B3GALT1: variants seen among roughly 807,000 people sequenced by gnomAD.
B3GALT1 encodes the protein beta-1,3-galactosyltransferase 1, also known as UDP-Gal:betaGlcNAc beta 1,3-galactosyltransferase, polypeptide 1.
A neutral mutation model predicts 23.2 loss-of-function variants in B3GALT1; 10 were observed. The observed-to-expected ratio is 0.43, with a 90% confidence interval of 0.27 to 0.73. The LOEUF is 0.73. Ranked by LOEUF, B3GALT1 falls within the 30% of genes least tolerant of loss-of-function variation. The pLI is 0.21. For synonymous variants in B3GALT1, 156 were observed against 141.5 expected, an observed-to-expected ratio of 1.10 and a Z score of -0.73; for missense variants, 299 against 405.4, an observed-to-expected ratio of 0.74 and a Z score of 2.25.
At chr2:167,421,579 G>A (rs1357365329) in intron 1 of B3GALT1, among the ~76,000 whole-genome samples, 2 of 152,156 alleles carry the variant, frequency 1.3e-5, no homozygotes, top group East Asian at 3.8e-4. Flanking sequence ...TGGAAGAAAG[G>A]GGTTAGTATT....
intron 3 of B3GALT1, among the ~76,000 whole-genome samples, chr2:167,724,035 G>A (rs1687271678): frequency 6.6e-6 from 1 of 152,168 alleles, no homozygotes; most frequent in Non-Finnish European, 1.5e-5. Flanking sequence ...GATTCAACCA[G>A]TTACCTAGAG....
At chr2:167,662,615 A>C (rs1317667871) in intron 3 of B3GALT1, among the ~76,000 whole-genome samples, 1 of 152,134 alleles carries the variant, frequency 6.6e-6, no homozygotes, top group African/African-American at 2.4e-5. Flanking sequence ...CCACTGTAAC[A>C]GACAAAAAGA....
At chr2:167,607,295 A>G (rs1455343124) in intron 2 of B3GALT1, among the ~76,000 whole-genome samples, 1 of 152,182 alleles carries the variant, frequency 6.6e-6, no homozygotes, top group Non-Finnish European at 1.5e-5. Flanking sequence ...TTGCTCAGTC[A>G]TAGTTCAGTA....
intron 2 of B3GALT1, among the ~76,000 whole-genome samples, chr2:167,572,056 C>CT (rs1370803074): frequency 4.0e-5 from 6 of 151,562 alleles, no homozygotes; most frequent in Admixed American, 6.6e-5. Flanking sequence ...AGTATGGCGT[C>CT]TAAGTCTTGG....
intron 1 of B3GALT1, among the ~76,000 whole-genome samples, chr2:167,407,398 T>G (rs1184132666): frequency 6.6e-6 from 1 of 151,898 alleles, no homozygotes; most frequent in Non-Finnish European, 1.5e-5. Flanking sequence ...TAAAAAGACT[T>G]TAAATAAACA....
chr2:167,372,684 C>T (rs1173827353), intron 1 of B3GALT1, among the ~76,000 whole-genome samples: 2 of 151,454 alleles, frequency 1.3e-5, no homozygotes, highest in Non-Finnish European at 2.9e-5. Context: ...ATTATTGATG[C>T]CAAAAGCAAA....
chr2:167,522,580 G>A (rs1291976020), intron 2 of B3GALT1, among the ~76,000 whole-genome samples: 1 of 152,086 alleles, frequency 6.6e-6, no homozygotes, highest in Non-Finnish European at 1.5e-5. Context: ...TTAGAAGAAA[G>A]ATGTCTTCCA....
chr2:167,362,288 G>A lies in B3GALT1; in HGVS notation c.-511+68954G>A, dbSNP rs142179464. On this transcript the variant is annotated intron_variant, in intron 1 of 4. Coordinates refer to ENST00000392690, the MANE Select transcript of B3GALT1 (RefSeq NM_020981.4). Reference sequence around the variant, plus strand: ...TAGGGTGATACATCAAAATATAAATGGAATGTAATTAGTCCCATGAAATAT... The same window carrying A: ...TAGGGTGATACATCAAAATATAAATAGAATGTAATTAGTCCCATGAAATAT... Among the ~76,000 whole-genome samples the A allele has an allele frequency of 1.1e-3, 173 of 152,146 alleles. 1 individual carries two copies. The East Asian group carries it at 0.018, about 16-fold the overall frequency.
chr2:167,764,337 C>T (rs1687941504), intron 3 of B3GALT1, among the ~76,000 whole-genome samples: 1 of 152,098 alleles, frequency 6.6e-6, no homozygotes, highest in Admixed American at 6.5e-5. Context: ...TGACATAGTC[C>T]ACACTTTTCA....
intron 1 of B3GALT1, among the ~76,000 whole-genome samples, chr2:167,485,460 A>G (rs754970023): frequency 3.3e-5 from 5 of 152,132 alleles, no homozygotes; most frequent in Admixed American, 6.6e-5. Flanking sequence ...TATTTATGGA[A>G]CGTGTCCTAG....
At chr2:167,414,107 T>TG (rs969618927) in intron 1 of B3GALT1, among the ~76,000 whole-genome samples, 52 of 152,184 alleles carry the variant, frequency 3.4e-4, no homozygotes, top group East Asian at 3.9e-4. Context: ...TTACATGACA[T>TG]GGGGGGCCTT....
intron 1 of B3GALT1, among the ~76,000 whole-genome samples, chr2:167,371,189 A>ATT (rs544507824): frequency 1.0e-4 from 15 of 147,380 alleles, no homozygotes; most frequent in African/African-American, 3.2e-4. Flanking sequence ...AGGGCAGGTG[A>ATT]TTTTTTTTTT....
chr2:167,397,698 A>C (rs1289679178), intron 1 of B3GALT1, among the ~76,000 whole-genome samples: 4 of 152,154 alleles, frequency 2.6e-5, no homozygotes, highest in South Asian at 2.1e-4. Flanking sequence ...AATCACCTAA[A>C]GAATGAAAAG....
intron 1 of B3GALT1, among the ~76,000 whole-genome samples, chr2:167,408,798 CA>C (rs1178640940): frequency 0.054 from 583 of 10,750 alleles, 5 homozygotes; most frequent in South Asian, 0.14. Context: ...AAGATGTATA[CA>C]AAAAAAAAAA....
At chr2:167,360,971 C>T (rs1490323020) in intron 1 of B3GALT1, among the ~76,000 whole-genome samples, 1 of 152,090 alleles carries the variant, frequency 6.6e-6, no homozygotes, top group Non-Finnish European at 1.5e-5. Context: ...TCTTTCTGTA[C>T]CTGGCTTATT....
chr2:167,508,621 C>CT (rs886892338), intron 2 of B3GALT1, among the ~76,000 whole-genome samples: 3 of 151,112 alleles, frequency 2.0e-5, no homozygotes, highest in Admixed American at 6.6e-5. Context: ...TAAAATTGAA[C>CT]TTTTTTTTTA....
At chr2:167,669,746 G>A (rs987376209) in intron 3 of B3GALT1, among the ~76,000 whole-genome samples, 3 of 152,006 alleles carry the variant, frequency 2.0e-5, no homozygotes, top group Non-Finnish European at 2.9e-5. Context: ...ATCTATAGAT[G>A]ATATATATAA....
chr2:167,562,222 T>G (rs1225643675), intron 2 of B3GALT1, among the ~76,000 whole-genome samples: 1 of 152,166 alleles, frequency 6.6e-6, no homozygotes, highest in South Asian at 2.1e-4. Flanking sequence ...ATTATCTCAA[T>G]AGATGCAGAA....
chr2:167,791,039 G>C (rs926253938), intron 3 of B3GALT1, among the ~76,000 whole-genome samples: 4 of 152,172 alleles, frequency 2.6e-5, no homozygotes, highest in African/African-American at 9.7e-5. Context: ...CCTGTCAGGA[G>C]ATGAATACAA....
Sources: allele counts gnomAD v4.1 joint callset (sites outside exome capture counted in the v4.1 genomes callset), GRCh38; gene constraint gnomAD v4.1.1; transcripts MANE v1.5; gene names NCBI Gene and HGNC (gene_info 2026-07-23, HGNC 2026-07-21).